Variants in LHFPL2 observed in about 807,000 individuals in gnomAD.
The protein encoded by LHFPL2 is LHFPL tetraspan subfamily member 2.
LHFPL2 carries 7 observed loss-of-function variants against 17.5 expected under a neutral mutation model. The ratio of observed to expected loss-of-function variants is 0.40; its 90% confidence interval spans 0.23 to 0.75. The LOEUF (loss-of-function observed/expected upper bound fraction) is 0.75, where lower values mean the gene tolerates loss of function less well. Among genes scored for constraint, LHFPL2 ranks in the 30% least tolerant of loss-of-function variants. The pLI, the probability that LHFPL2 is intolerant of heterozygous loss-of-function variation, is 0.37. For missense variants in LHFPL2, 241 were observed against 294.8 expected (o/e 0.82, Z 1.34); for synonymous variants, 134 against 116.2 (o/e 1.15, Z -0.99).
Position 78,510,044 on chromosome 5 carries a change from T to A in LHFPL2, c.170A>T (p.Tyr57Phe). 6.2e-7 allele frequency: 1 copy of A among 1,609,900 alleles called. No individual in the cohort carries two copies. Among genetic ancestry groups the A allele is most frequent in the East Asian group, 2.2e-5 (1 of 44,776 alleles). ...AGPGGGSPEP[Y>F]HPTLGIYARC... ...GGCGTAGATGCCCAGGGTGGGGTGGTAGGGCTCCGGGGAGCCCCCGCCCGG... is the reference window on the plus strand; with the variant it reads ...GGCGTAGATGCCCAGGGTGGGGTGGAAGGGCTCCGGGGAGCCCCCGCCCGG... The change falls in exon 4 of 5, where the codon TAC (tyrosine) becomes TTC (phenylalanine). Residue 57 changes from tyrosine to phenylalanine, a missense_variant. Tyr to Phe is a conservative substitution (Grantham distance 22, BLOSUM62 3). Coordinates refer to ENST00000380345, the MANE Select transcript of LHFPL2 (RefSeq NM_005779.3).
At chr5:78,579,866 G>A (rs1443624217) in intron 2 of LHFPL2, among the ~76,000 whole-genome samples, 6 of 152,178 alleles carry the variant, frequency 3.9e-5, no homozygotes, top group Non-Finnish European at 7.3e-5. Context: ...CCCAGTAATG[G>A]GATGGCTGGG....
intron 1 of LHFPL2, among the ~76,000 whole-genome samples, chr5:78,641,115 C>T (rs901535145): frequency 6.6e-6 from 1 of 152,146 alleles, no homozygotes; most frequent in Non-Finnish European, 1.5e-5. Context: ...GAGATGAAGA[C>T]CTGGGAACCA....
At chr5:78,572,118 T>C (rs6877631) in intron 2 of LHFPL2, among the ~76,000 whole-genome samples, 55,064 of 151,982 alleles carry the variant, frequency 0.36, 11,069 homozygotes, top group Non-Finnish European at 0.47. Flanking sequence ...AGTACCTAGC[T>C]GGGCAACCAG....
At chr5:78,614,718 T>C (rs974501642) in intron 2 of LHFPL2, among the ~76,000 whole-genome samples, 9 of 152,082 alleles carry the variant, frequency 5.9e-5, no homozygotes, top group African/African-American at 2.2e-4. Context: ...CTAAAAAATT[T>C]AGAAAAAAAA....
intron 2 of LHFPL2, among the ~76,000 whole-genome samples, chr5:78,592,234 G>A (rs1296310894): frequency 6.6e-6 from 1 of 152,174 alleles, no homozygotes; most frequent in Non-Finnish European, 1.5e-5. Flanking sequence ...GACACGGCAA[G>A]GCATTCTCTC....
intron 4 of LHFPL2, among the ~76,000 whole-genome samples, chr5:78,502,715 A>G (rs1754810857): frequency 1.4e-4 from 1 of 6,934 alleles, no homozygotes; most frequent in Admixed American, 4.6e-4. Context: ...ATAGTTACTA[A>G]AGCTATGGAA....
At chr5:78,513,594 T>C (rs1269355050) in intron 3 of LHFPL2, among the ~76,000 whole-genome samples, 2 of 152,296 alleles carry the variant, frequency 1.3e-5, no homozygotes, top group East Asian at 3.9e-4. Context: ...TCATCTTGAA[T>C]TGTAGCTCCC....
At chr5:78,628,307 C>T (rs1031580507) in intron 2 of LHFPL2, among the ~76,000 whole-genome samples, 1 of 152,196 alleles carries the variant, frequency 6.6e-6, no homozygotes, top group Non-Finnish European at 1.5e-5. Context: ...ACTTTATTAC[C>T]TTCTACCCCA....
chr5:78,488,841 CTGTGGACTGTTTCACAAGA>C lies in LHFPL2; in HGVS notation c.*37_*55del, dbSNP rs1754339367. 2.5e-6 allele frequency: 4 copies of C among 1,587,626 alleles called. No homozygotes were observed. The highest frequency in any genetic ancestry group is 3.4e-6 in the Non-Finnish European group (4 of 1,165,436). ...TCTCCACTTGACTCAAATGATGAAA[CTGTGGACTGTTTCACAAGA>C]TTACTCAAGGGAGAAAATGGCATTG... On this transcript the variant is annotated 3_prime_UTR_variant, in exon 5 of 5. Coordinates refer to ENST00000380345, the MANE Select transcript of LHFPL2 (RefSeq NM_005779.3).
At chr5:78,620,890 C>T (rs1580865873) in intron 2 of LHFPL2, among the ~76,000 whole-genome samples, 1 of 152,142 alleles carries the variant, frequency 6.6e-6, no homozygotes, top group African/African-American at 2.4e-5. Flanking sequence ...GTTAAATGCA[C>T]ATATGCCGTG....
At chr5:78,608,399 G>A (rs62378395) in intron 2 of LHFPL2, among the ~76,000 whole-genome samples, 55,289 of 151,874 alleles carry the variant, frequency 0.36, 11,042 homozygotes, top group Middle Eastern at 0.48. Context: ...GACTAATAAA[G>A]GGCACTGTTT....
intron 1 of LHFPL2, among the ~76,000 whole-genome samples, chr5:78,638,149 T>C (rs1055117939): frequency 6.6e-5 from 10 of 152,168 alleles, no homozygotes; most frequent in African/African-American, 2.4e-4. Flanking sequence ...GGTCAGGAGA[T>C]TGAGACCATC....
Position 78,577,086 on chromosome 5 carries a change from C to T in LHFPL2, c.-244-12215G>A, listed in dbSNP as rs1386307515. On this transcript the variant is annotated intron_variant, in intron 2 of 4. Transcript: ENST00000380345. Reference sequence around the variant, plus strand: ...TCAAATGTTTTCTAAAAGGATAACCCCTCTTACTTCCTCCCTCCCACTCAT... The same window carrying T: ...TCAAATGTTTTCTAAAAGGATAACCTCTCTTACTTCCTCCCTCCCACTCAT... 2.0e-5 allele frequency among the ~76,000 whole-genome samples: 3 copies of T among 152,304 alleles called. No individual in the cohort carries two copies. The East Asian group carries it at 5.8e-4, about 29-fold the overall frequency.
At chr5:78,528,017 T>C (rs1561323140) in intron 3 of LHFPL2, among the ~76,000 whole-genome samples, 2 of 152,224 alleles carry the variant, frequency 1.3e-5, no homozygotes, top group South Asian at 2.1e-4. Flanking sequence ...CCAGCTATTT[T>C]CCATCTCTGA....
intron 3 of LHFPL2, among the ~76,000 whole-genome samples, chr5:78,559,707 G>C (rs955691602): frequency 2.0e-5 from 3 of 152,148 alleles, no homozygotes; most frequent in African/African-American, 7.2e-5. Context: ...CGAGTAAAGG[G>C]AGAAGGTTGT....
At chr5:78,614,682 C>T (rs769773515) in intron 2 of LHFPL2, among the ~76,000 whole-genome samples, 1 of 152,082 alleles carries the variant, frequency 6.6e-6, no homozygotes, top group Admixed American at 6.5e-5. Context: ...ATCAATACAG[C>T]TCATGTTTAG....
intron 3 of LHFPL2, among the ~76,000 whole-genome samples, chr5:78,525,248 G>C (rs1325245390): frequency 1.3e-5 from 2 of 152,178 alleles, no homozygotes; most frequent in Non-Finnish European, 2.9e-5. Context: ...GGACACACTG[G>C]CAGAATAAAG....
intron 1 of LHFPL2, among the ~76,000 whole-genome samples, chr5:78,634,536 C>T (rs753026782): frequency 2.0e-5 from 3 of 152,234 alleles, no homozygotes; most frequent in Admixed American, 6.5e-5. Flanking sequence ...CCAAACACAC[C>T]GCCACACCTG....
At chr5:78,575,540 T>C (rs952247049) in intron 2 of LHFPL2, among the ~76,000 whole-genome samples, 1 of 151,808 alleles carries the variant, frequency 6.6e-6, no homozygotes, top group Non-Finnish European at 1.5e-5. Flanking sequence ...AGAGCGAGAC[T>C]CCATCTCAAA....
Sources: allele counts gnomAD v4.1 joint callset (sites outside exome capture counted in the v4.1 genomes callset), GRCh38; gene constraint gnomAD v4.1.1; transcripts MANE v1.5; gene names NCBI Gene and HGNC (gene_info 2026-07-23, HGNC 2026-07-21).